The following WRN variants were observed in gnomAD, a reference collection of about 807,000 sequenced individuals.
WRN encodes WRN RecQ like helicase.
A neutral mutation model predicts 180.7 loss-of-function variants in WRN; 149 were observed. The ratio of observed to expected loss-of-function variants is 0.82; its 90% CI spans 0.72 to 0.94. WRN has a LOEUF of 0.94. WRN is among the 40% of genes least tolerant of loss of function. The pLI is 0.00. For synonymous variants in WRN, 548 were observed against 568.9 expected (o/e 0.96, Z 0.52); for missense variants, 1,661 against 1,700.1 (o/e 0.98, Z 0.40).
chr8:31,113,619 A>G (rs906522136), intron 19 of WRN, among the ~76,000 whole-genome samples: 6 of 152,066 alleles, frequency 3.9e-5, no homozygotes, highest in Admixed American at 2.6e-4. Flanking sequence ...CCTTATAATA[A>G]CACTCTCTAT....
At chr8:31,150,801 A>G (rs1312880511) in intron 31 of WRN, among the ~76,000 whole-genome samples, 1 of 152,218 alleles carries the variant, frequency 6.6e-6, no homozygotes, top group African/African-American at 2.4e-5. Context: ...CCTTGCTATG[A>G]GTTGGTCAGG....
chr8:31,119,468 A>T (rs1349184579), intron 20 of WRN, among the ~76,000 whole-genome samples: 1 of 151,874 alleles, frequency 6.6e-6, no homozygotes, highest in East Asian at 1.9e-4. Flanking sequence ...TGAAAGATGA[A>T]AGGTTAGCTC....
intron 11 of WRN, chr8:31,087,546 A>G: frequency 4.2e-6 from 2 of 472,226 alleles, no homozygotes; most frequent in Non-Finnish European, 7.8e-6. Flanking sequence ...ATATGCTATT[A>G]ATGAGCCTTG....
At chr8:31,054,317 C>A (rs6996840) in intron 1 of WRN, among the ~76,000 whole-genome samples, 93 of 152,280 alleles carry the variant, frequency 6.1e-4, no homozygotes, top group Non-Finnish European at 1.1e-3. Context: ...TTTATACCAC[C>A]TGTGAATGAG....
chr8:31,075,120 A>G (rs1464540821), intron 7 of WRN, among the ~76,000 whole-genome samples: 1 of 152,182 alleles, frequency 6.6e-6, no homozygotes, highest in African/African-American at 2.4e-5. Context: ...TGATCAAGGA[A>G]TAGTAGTGGA....
chr8:31,052,605 T>G (rs1013393326), intron 1 of WRN, among the ~76,000 whole-genome samples: 2 of 152,170 alleles, frequency 1.3e-5, no homozygotes, highest in African/African-American at 4.8e-5. Flanking sequence ...CAGGCTGGTC[T>G]CGAACCCCTG....
At position 31,081,266 on chromosome 8, in the gene WRN, T is replaced by C. The variant is rs1281856091; in HGVS notation, c.1239T>C (p.Tyr413=). ...QILEQQSQEE[Y]LSDIAYKSTE... ...TGGAACAGCAGTCTCAGGAAGAATA[T>C]CTTAGTGATATTGCTTATAAATCTA... is the stretch of plus-strand genomic sequence containing the variant. Residue 413 remains tyrosine, a synonymous_variant, in exon 9 of 35, where the codon TAT becomes TAC. Transcript: ENST00000298139. 1.9e-6 allele frequency: 3 copies of C among 1,613,324 alleles called. No homozygotes were observed. Among genetic ancestry groups the C allele is most frequent in the Non-Finnish European group, 2.5e-6 (3 of 1,179,566 alleles).
At chr8:31,092,345 A>C (rs1256799193) in intron 16 of WRN, among the ~76,000 whole-genome samples, 1 of 151,946 alleles carries the variant, frequency 6.6e-6, no homozygotes, top group Non-Finnish European at 1.5e-5. Flanking sequence ...CTGGCTGAGC[A>C]GGGACTGGAT....
chr8:31,133,267 T>C (rs1167359225), intron 24 of WRN, among the ~76,000 whole-genome samples: 1 of 152,242 alleles, frequency 6.6e-6, no homozygotes, highest in African/African-American at 2.4e-5. Context: ...GATAGGATAC[T>C]TTGCAAATAT....
At chr8:31,088,077 T>C (rs994539736) in intron 12 of WRN, among the ~76,000 whole-genome samples, 157 bp downstream of exon 12, 1 of 152,128 alleles carries the variant, frequency 6.6e-6, no homozygotes, top group Admixed American at 6.6e-5. Context: ...TGCTTTTGTC[T>C]CCATAAAGCA....
At chr8:31,076,322 C>A (rs768045519) in intron 8 of WRN, 35 bp downstream of exon 8, 10 of 1,502,122 alleles carry the variant, frequency 6.7e-6, no homozygotes, top group Non-Finnish European at 8.3e-6. Flanking sequence ...TAACTTAAAT[C>A]AATTCTGTTT....
intron 9 of WRN, among the ~76,000 whole-genome samples, chr8:31,082,464 A>C (rs1443425549): frequency 3.9e-5 from 6 of 152,340 alleles, no homozygotes; most frequent in Admixed American, 3.9e-4. Context: ...AACCATTCAT[A>C]AAAGATGTTC....
In WRN at chr8:31,044,531, A is replaced by G. The variant is rs111269949; in HGVS notation, c.-77+10558A>G. Among the ~76,000 whole-genome samples the G allele has an allele frequency of 3.3e-3, 497 of 150,806 alleles. 2 individuals carry two copies. The highest frequency in any genetic ancestry group is 0.011 in the African/African-American group (463 of 41,102). On this transcript the variant is annotated intron_variant, in intron 1 of 34. Transcript: ENST00000298139. ...GCCACCATGCTCTGCTAATTTTTGTATTTTTATTAGAGATGGGGTTTTACC... is the reference window on the plus strand; with the variant it reads ...GCCACCATGCTCTGCTAATTTTTGTGTTTTTATTAGAGATGGGGTTTTACC...
chr8:31,065,894 T>C (rs75181722), intron 5 of WRN, among the ~76,000 whole-genome samples: 1 of 151,454 alleles, frequency 6.6e-6, no homozygotes, highest in East Asian at 1.9e-4. Flanking sequence ...TTTTTTTTTT[T>C]TGAGGTGGAG....
chr8:31,063,998 A>C (rs1812595041), intron 3 of WRN, among the ~76,000 whole-genome samples: 1 of 152,204 alleles, frequency 6.6e-6, no homozygotes, highest in African/African-American at 2.4e-5. Flanking sequence ...CTGGGATTAC[A>C]GGGGTAAACC....
At chr8:31,088,048 T>G in intron 12 of WRN, 128 bp downstream of exon 12, 1 of 1,493,918 alleles carries the variant, frequency 6.7e-7, no homozygotes, top group Non-Finnish European at 9.0e-7. Context: ...TGGATCCTTA[T>G]AAGCTTTTGT....
At chr8:31,109,523 C>T (rs1288642419) in intron 18 of WRN, among the ~76,000 whole-genome samples, 3 of 152,032 alleles carry the variant, frequency 2.0e-5, no homozygotes, top group African/African-American at 7.2e-5. Context: ...AAAACTGAGC[C>T]CTTGCAAATG....
intron 4 of WRN, 91 bp from the exon 5 acceptor site, chr8:31,064,824 A>C: frequency 7.0e-7 from 1 of 1,431,662 alleles, no homozygotes. Context: ...GTTAAATACA[A>C]ATTTACACAT....
intron 24 of WRN, among the ~76,000 whole-genome samples, chr8:31,136,466 G>C (rs1563373271): frequency 6.6e-6 from 1 of 152,222 alleles, no homozygotes; most frequent in Non-Finnish European, 1.5e-5. Context: ...GAGTCAGGAT[G>C]AGCAAATGGA....
Sources: allele counts gnomAD v4.1 joint callset (sites outside exome capture counted in the v4.1 genomes callset), GRCh38; gene constraint gnomAD v4.1.1; transcripts MANE v1.5; gene names NCBI Gene and HGNC (gene_info 2026-07-23, HGNC 2026-07-21).